FAM118B: variants seen among roughly 807,000 people sequenced by gnomAD.
FAM118B encodes the protein protein FAM118B.
FAM118B carries 24 observed loss-of-function variants against 38.5 expected under a neutral mutation model. The ratio of observed to expected loss-of-function variants is 0.62; its 90% confidence interval spans 0.45 to 0.88. FAM118B has a LOEUF of 0.88. Among genes scored for constraint, FAM118B ranks in the 40% least tolerant of loss-of-function variants. The probability of loss-of-function intolerance (pLI) is 0.00; values close to 1 mark genes in which losing one functional copy is unlikely to be tolerated. For missense variants in FAM118B, 334 were observed against 420.0 expected (o/e 0.80, Z 1.79); for synonymous variants, 138 against 156.3 (o/e 0.88, Z 0.87).
At chr11:126,213,971 T>G (rs1365476837) in intron 1 of FAM118B, among the ~76,000 whole-genome samples, 1 of 152,250 alleles carries the variant, frequency 6.6e-6, no homozygotes, top group African/African-American at 2.4e-5. Flanking sequence ...TTAGCCAGTA[T>G]GGGTACATAA....
chr11:126,214,517 T>TTTTTTTTTC (rs1949952965), intron 1 of FAM118B: 1 of 95,442 alleles, frequency 1.0e-5, no homozygotes, highest in East Asian at 5.8e-4. Flanking sequence ...TTTTTTTGTT[T>TTTTTTTTTC]TTTTTTTTTT....
At position 126,248,771 on chromosome 11, in the gene FAM118B, G is replaced by A. The variant is rs76976556; in HGVS notation, c.340-1735G>A. 6.9e-3 allele frequency among the ~76,000 whole-genome samples: 1,048 copies of A among 152,254 alleles called. 10 individuals are homozygous for A. Among genetic ancestry groups the A allele is most frequent in the African/African-American group, 0.024 (978 of 41,536 alleles). ...GGCACGGCCCTCGTGACTTAATCAC[G>A]TCTTACTAGGTCTCGCCTCCCAACA... is the stretch of plus-strand genomic sequence containing the variant. On this transcript the variant is annotated intron_variant, in intron 4 of 8. Transcript: ENST00000533050.
intron 5 of FAM118B, among the ~76,000 whole-genome samples, chr11:126,251,984 G>A (rs1207719567): frequency 6.6e-6 from 1 of 150,758 alleles, no homozygotes; most frequent in Non-Finnish European, 1.5e-5. Flanking sequence ...GTTTTGTTTT[G>A]TTTTGTTTTG....
At chr11:126,215,103 G>GGAGAT (rs1163163413) in intron 1 of FAM118B, among the ~76,000 whole-genome samples, 4 of 152,194 alleles carry the variant, frequency 2.6e-5, no homozygotes, top group Admixed American at 1.3e-4. Flanking sequence ...TTGGGAGCCA[G>GGAGAT]GAGATGTGGG....
intron 4 of FAM118B, among the ~76,000 whole-genome samples, chr11:126,246,113 TTAATAA>T (rs912156155): frequency 6.6e-6 from 1 of 151,904 alleles, no homozygotes; most frequent in African/African-American, 2.4e-5. Context: ...CTATTACAAC[TTAATAA>T]TAAAAATGAT....
chr11:126,235,055 C>T lies in FAM118B; in HGVS notation c.54C>T (p.Phe18=). Residue 18 remains phenylalanine, a synonymous_variant, in exon 3 of 9, where the codon TTC becomes TTT. Transcript: ENST00000533050. ...ASDIDEIFGF[F]NDGEPPTKKP... is the part of the protein sequence containing the mutation. ...ATATAGACGAGATTTTTGGATTCTT[C>T]AACGATGGCGAACCTCCCACCAAAA... The T allele has an allele frequency of 1.2e-6, 2 of 1,614,030 alleles. No individual in the cohort carries two copies. The highest frequency in any genetic ancestry group is 1.7e-6 in the Non-Finnish European group (2 of 1,180,000).
At chr11:126,254,220 C>A in intron 5 of FAM118B, 85 bp from the exon 6 acceptor site, 1 of 1,497,974 alleles carries the variant, frequency 6.7e-7, no homozygotes, top group South Asian at 1.3e-5. Flanking sequence ...GAAGTCTAGT[C>A]CTCAAAACAG....
Position 126,253,353 on chromosome 11 carries a change from T to C in FAM118B, c.568-952T>C, listed in dbSNP as rs1950531824. On this transcript the variant is annotated intron_variant, in intron 5 of 8. Transcript: ENST00000533050. This position sits in a 1 kb window ranked among gnomAD's most constrained non-coding sequence, Gnocchi z 5.1. ...GCCTCTTGACTACTTTCCTGATTCATAGCCTATTTCTCCAAAATGTGATAA... is the reference window on the plus strand; with the variant it reads ...GCCTCTTGACTACTTTCCTGATTCACAGCCTATTTCTCCAAAATGTGATAA... 2.6e-5 allele frequency among the ~76,000 whole-genome samples: 4 copies of C among 152,190 alleles called. No individual in the cohort carries two copies. Among genetic ancestry groups the C allele is most frequent in the African/African-American group, 9.7e-5 (4 of 41,440 alleles).
At chr11:126,227,652 GT>G (rs1233333668) in intron 1 of FAM118B, among the ~76,000 whole-genome samples, 1 of 152,000 alleles carries the variant, frequency 6.6e-6, no homozygotes, top group African/African-American at 2.4e-5. Context: ...TCTGTTCTTG[GT>G]TTTGCTATCA....
chr11:126,223,818 T>G (rs982070227), intron 1 of FAM118B, among the ~76,000 whole-genome samples: 2 of 152,204 alleles, frequency 1.3e-5, no homozygotes, highest in Non-Finnish European at 2.9e-5. Flanking sequence ...ATAAAATGTT[T>G]TGGTGCCAGA....
At chr11:126,221,024 TA>T (rs926283464) in intron 1 of FAM118B, among the ~76,000 whole-genome samples, 1 of 152,010 alleles carries the variant, frequency 6.6e-6, no homozygotes, top group Non-Finnish European at 1.5e-5. Context: ...CTGTCTTTAC[TA>T]AAAATACAAA....
chr11:126,211,744 GGCGA>G, upstream of FAM118B: 1 of 1,319,488 alleles, frequency 7.6e-7, no homozygotes, highest in Non-Finnish European at 1.0e-6. Context: ...GTGGGGCCTG[GGCGA>G]GTCACGTGGG....
Position 126,218,579 on chromosome 11 carries a change from C to T in FAM118B, c.-77+6749C>T, listed in dbSNP as rs144339818. On this transcript the variant is annotated intron_variant, in intron 1 of 8. Transcript: ENST00000533050. ...TTCCAGCCTCTGAAACAGTGCCTGG[C>T]GATGAATAGATGCTTAATAACTTAA... Among the ~76,000 whole-genome samples, 26 of 152,196 alleles carry T rather than the reference C, an allele frequency of 1.7e-4. No homozygotes were observed. The East Asian group carries it at 4.6e-3, about 27-fold the overall frequency.
In FAM118B at chr11:126,239,184, A is replaced by G. The variant is rs916321719; in HGVS notation, c.87-1608A>G. Among the ~76,000 whole-genome samples the G allele has an allele frequency of 3.9e-5, 6 of 152,154 alleles. No homozygotes were observed. The South Asian group carries it at 8.3e-4, about 21-fold the overall frequency. ...GAGATGGGGTCTCACTAAGTTGCCT[A>G]GGCTTGTCTCAAACTCCTGGGCTCA... On this transcript the variant is annotated intron_variant, in intron 3 of 8. Coordinates refer to ENST00000533050, the MANE Select transcript of FAM118B (RefSeq NM_024556.4).
chr11:126,262,144 G>A lies in FAM118B; in HGVS notation c.*11G>A. 1 of 1,613,998 alleles carries A rather than the reference G, an allele frequency of 6.2e-7. No homozygotes were observed. Among genetic ancestry groups the A allele is most frequent in the Non-Finnish European group, 8.5e-7 (1 of 1,179,956 alleles). ...GGCTGTAGTACATGAGCGAGCTAGA[G>A]AAATCACCACCGTTTAGACCAAGCT... On this transcript the variant is annotated 3_prime_UTR_variant, in exon 9 of 9. Transcript: ENST00000533050.
At chr11:126,241,553 T>C (rs975897494) in intron 4 of FAM118B, among the ~76,000 whole-genome samples, 10 of 151,962 alleles carry the variant, frequency 6.6e-5, no homozygotes, top group African/African-American at 2.2e-4. Context: ...TTTATTTATT[T>C]ATTTATTTAT....
chr11:126,250,633 G>C lies in FAM118B; in HGVS notation c.467G>C (p.Gly156Ala). 6.2e-7 allele frequency: 1 copy of C among 1,614,132 alleles called. No homozygotes were observed. The highest frequency in any genetic ancestry group is 1.1e-5 in the South Asian group (1 of 91,082). Residue 156 changes from glycine to alanine, a missense_variant, in exon 5 of 9, where the codon GGA becomes GCA. Physicochemically the swap from Gly to Ala is moderately conservative, Grantham distance 60. Transcript: ENST00000533050. The surrounding 1 kb of genome is among the most constrained non-coding windows in gnomAD (Gnocchi z 5.1). ...TCAGTTCTCCACCTGATGGAAAATG[G>C]AGCCCTCGTATTAACTACAAATTTT... The part of the protein sequence containing the change: ...LQSVLHLMEN[G>A]ALVLTTNFDN...
chr11:126,256,689 A>G lies in FAM118B; in HGVS notation c.819A>G (p.Glu273=). ...CTGTCAAGCATAAATCTGACCTAGA[A>G]CATTTCATGCTGGTTCGGAGAGGAG... ...LEAVKHKSDL[E]HFMLVRRGDV... is the part of the protein sequence containing the mutation. Residue 273 remains glutamate (E), a synonymous_variant, in exon 7 of 9, where the codon GAA becomes GAG. Transcript: ENST00000533050. This position sits in a 1 kb window ranked among gnomAD's most constrained non-coding sequence, Gnocchi z 6.6. The G allele has an allele frequency of 6.2e-7, 1 of 1,614,244 alleles. No individual in the cohort carries two copies. The highest frequency in any genetic ancestry group is 2.2e-5 in the East Asian group (1 of 44,890).
At chr11:126,234,276 T>G (rs1371657922) in intron 2 of FAM118B, among the ~76,000 whole-genome samples, 1 of 152,256 alleles carries the variant, frequency 6.6e-6, no homozygotes, top group African/African-American at 2.4e-5. Context: ...TTTAACAAGT[T>G]TGCCAAAGTT....
Sources: allele counts gnomAD v4.1 joint callset (sites outside exome capture counted in the v4.1 genomes callset), GRCh38; gene constraint gnomAD v4.1.1; non-coding constraint Gnocchi (gnomAD v3.1); transcripts MANE v1.5; gene names NCBI Gene and HGNC (gene_info 2026-07-23, HGNC 2026-07-21).